The following SDCCAG8 variants were observed in gnomAD, a reference collection of about 807,000 sequenced individuals.
The protein encoded by SDCCAG8 is serologically defined colon cancer antigen 8.
SDCCAG8 carries 74 observed loss-of-function variants against 101.8 expected under a neutral mutation model. The ratio of observed to expected loss-of-function variants is 0.73; its 90% CI spans 0.60 to 0.88. The LOEUF (loss-of-function observed/expected upper bound fraction) is 0.88, where lower values mean the gene tolerates loss of function less well. SDCCAG8 is among the 40% of genes least tolerant of loss of function. SDCCAG8 has a pLI of 0.00. For missense variants in SDCCAG8, 787 were observed against 822.6 expected, an observed-to-expected ratio of 0.96 and a Z score of 0.53; for synonymous variants, 281 against 292.9, an observed-to-expected ratio of 0.96 and a Z score of 0.41.
intron 12 of SDCCAG8, among the ~76,000 whole-genome samples, chr1:243,368,682 T>C (rs1003733518): frequency 2.6e-5 from 4 of 152,080 alleles, no homozygotes; most frequent in African/African-American, 2.4e-5. Flanking sequence ...AGTCCTCCAG[T>C]AGTCAGATAC....
At chr1:243,292,574 C>T (rs930223489) in intron 5 of SDCCAG8, among the ~76,000 whole-genome samples, 4 of 152,164 alleles carry the variant, frequency 2.6e-5, no homozygotes, top group African/African-American at 9.7e-5. Flanking sequence ...ACCTCTGTGA[C>T]CCTCAGCTAC....
At chr1:243,433,628 C>T (rs965851899) in intron 16 of SDCCAG8, among the ~76,000 whole-genome samples, 3 of 152,170 alleles carry the variant, frequency 2.0e-5, no homozygotes, top group Admixed American at 6.5e-5. Flanking sequence ...CTCCTGTTCT[C>T]TCTGTTTTAT....
intron 16 of SDCCAG8, among the ~76,000 whole-genome samples, chr1:243,482,519 C>T (rs1178638062): frequency 6.6e-6 from 1 of 152,242 alleles, no homozygotes; most frequent in African/African-American, 2.4e-5. Context: ...CTGCTTTTCT[C>T]CCTCAGGGTC....
At chr1:243,334,309 C>T (rs984699585) in intron 10 of SDCCAG8, among the ~76,000 whole-genome samples, 1 of 152,194 alleles carries the variant, frequency 6.6e-6, no homozygotes, top group African/African-American at 2.4e-5. Flanking sequence ...TGCTTTAAAA[C>T]TCCTTTCACG....
At chr1:243,498,200 G>A (rs537125753) in intron 17 of SDCCAG8, among the ~76,000 whole-genome samples, 3 of 152,120 alleles carry the variant, frequency 2.0e-5, no homozygotes, top group Admixed American at 6.5e-5. Flanking sequence ...TGGAGGGCAC[G>A]TCAGCTTGGT....
At chr1:243,385,873 G>A (rs1423963085) in intron 13 of SDCCAG8, among the ~76,000 whole-genome samples, 1 of 152,122 alleles carries the variant, frequency 6.6e-6, no homozygotes, top group African/African-American at 2.4e-5. Flanking sequence ...GGAGGCCGAG[G>A]CTCAAGAATC....
intron 13 of SDCCAG8, among the ~76,000 whole-genome samples, chr1:243,381,307 A>T (rs1558386564): frequency 6.6e-6 from 1 of 152,158 alleles, no homozygotes; most frequent in Non-Finnish European, 1.5e-5. Flanking sequence ...CGGTAAATAG[A>T]GGCCAGGCGC....
rs1204888171 is a variant in SDCCAG8, at chr1:243,330,704, C to G, written c.1221+12C>G. On this transcript the variant is annotated intron_variant, in intron 10 of 17. Transcript: ENST00000366541. ...ACATGGGATCAAAGGTACTTAAGGA[C>G]TCTGCTGTTATCCACATTGCAGAAG... 3 of 1,613,910 alleles carry G rather than the reference C, an allele frequency of 1.9e-6. No homozygotes were observed. The highest frequency in any genetic ancestry group is 2.5e-6 in the Non-Finnish European group (3 of 1,179,830).
At chr1:243,490,657 G>C (rs1396461029) in intron 17 of SDCCAG8, among the ~76,000 whole-genome samples, 1 of 152,244 alleles carries the variant, frequency 6.6e-6, no homozygotes, top group Non-Finnish European at 1.5e-5. Context: ...GAGTGCAGGC[G>C]GGATGCCCCA....
intron 8 of SDCCAG8, among the ~76,000 whole-genome samples, chr1:243,313,119 A>G (rs1165683051): frequency 1.3e-5 from 2 of 152,164 alleles, no homozygotes; most frequent in Non-Finnish European, 2.9e-5. Flanking sequence ...CCAGCTTGTG[A>G]TTTTGGAGTG....
chr1:243,484,494 A>G (rs1274933597), intron 16 of SDCCAG8, among the ~76,000 whole-genome samples: 2 of 152,236 alleles, frequency 1.3e-5, no homozygotes, highest in Non-Finnish European at 2.9e-5. Flanking sequence ...TGTGAGTGCT[A>G]AATAAACAGT....
At chr1:243,279,045 C>A (rs1239872537) in intron 4 of SDCCAG8, among the ~76,000 whole-genome samples, 1 of 152,150 alleles carries the variant, frequency 6.6e-6, no homozygotes, top group Non-Finnish European at 1.5e-5. Context: ...CCTGCCTGGG[C>A]TTCCCAAGGT....
intron 8 of SDCCAG8, among the ~76,000 whole-genome samples, chr1:243,310,557 T>G (rs1242828042): frequency 6.6e-6 from 1 of 152,008 alleles, no homozygotes; most frequent in African/African-American, 2.4e-5. Flanking sequence ...TAGAAATAAA[T>G]ATAAAAAATA....
intron 9 of SDCCAG8, among the ~76,000 whole-genome samples, chr1:243,328,617 G>T (rs1252184595): frequency 6.6e-6 from 1 of 152,060 alleles, no homozygotes; most frequent in Non-Finnish European, 1.5e-5. Flanking sequence ...TCAGTGTTTT[G>T]TTGCCCATTA....
Position 243,293,163 on chromosome 1 carries a change from T to C in SDCCAG8, c.619T>C (p.Ser207Pro), listed in dbSNP as rs773304620. ...GGGCGAAACCTCCAAAAGACCATTT[T>C]CCCATGACAATGCAGATTTTGGCAA... is the stretch of plus-strand genomic sequence containing the variant. ...GVGETSKRPF[S>P]HDNADFGKAA... Residue 207 changes from serine to proline, a missense_variant, in exon 6 of 18, where the codon TCC (serine) becomes CCC (proline). Transcript: ENST00000366541. The C allele has an allele frequency of 6.2e-7, 1 of 1,614,164 alleles. No individual in the cohort carries two copies. The highest frequency in any genetic ancestry group is 8.5e-7 in the Non-Finnish European group (1 of 1,180,012).
At position 243,280,980 on chromosome 1, in the gene SDCCAG8, A is replaced by G. The variant is rs561550385; in HGVS notation, c.421-5292A>G. On this transcript the variant is annotated intron_variant, in intron 4 of 17. Transcript: ENST00000366541. ...CTTTGTGATTTTTATAATTTTTGAC[A>G]GGGGATGTTGAAATTTCCAACTGTA... Among the ~76,000 whole-genome samples the G allele has an allele frequency of 7.9e-5, 12 of 152,300 alleles. No individual in the cohort carries two copies. The South Asian group carries it at 1.9e-3, about 24-fold the overall frequency.
chr1:243,435,766 C>T (rs905339647), intron 16 of SDCCAG8, among the ~76,000 whole-genome samples: 4 of 147,882 alleles, frequency 2.7e-5, no homozygotes, highest in East Asian at 1.9e-4. Flanking sequence ...GTCCTCTATT[C>T]GATGGTGAAA....
In SDCCAG8 at chr1:243,437,384, A is replaced by G. The variant is rs145549351; in HGVS notation, c.1985+10826A>G. On this transcript the variant is annotated intron_variant, in intron 16 of 17. Transcript: ENST00000366541. ...AGTGCGGGAGGTATACGGTAATCAT[A>G]CAGGTGTAATAGACTACGGTAAGAG... Among the ~76,000 whole-genome samples, 8 of 152,316 alleles carry G rather than the reference A, an allele frequency of 5.3e-5. No homozygotes were observed. In the East Asian group the frequency reaches 1.3e-3, roughly 26 times the overall value.
chr1:243,403,454 TACTA>T (rs1184221014), intron 13 of SDCCAG8, among the ~76,000 whole-genome samples: 1 of 152,242 alleles, frequency 6.6e-6, no homozygotes, highest in Non-Finnish European at 1.5e-5. Context: ...TTTTTTAACT[TACTA>T]TATGTCAGTG....
Sources: gnomAD v4.1 joint callset for allele counts (sites outside exome capture counted in the v4.1 genomes callset) on GRCh38, gnomAD v4.1.1 for gene constraint, MANE v1.5 for transcripts, NCBI Gene and HGNC (gene_info 2026-07-23, HGNC 2026-07-21) for gene names.